The following MCTP1 variants were observed in gnomAD, a reference collection of about 807,000 sequenced individuals.
MCTP1 encodes multiple C2 and transmembrane domain-containing protein 1.
A neutral mutation model predicts 120.6 loss-of-function variants in MCTP1; 69 were observed. The ratio of observed to expected loss-of-function variants is 0.57; its 90% CI spans 0.47 to 0.70. The LOEUF is 0.70. Ranked by LOEUF, MCTP1 falls within the 30% of genes least tolerant of loss-of-function variation. MCTP1 has a pLI of 0.00. For missense variants in MCTP1, 1,203 were observed against 1,248.8 expected, an observed-to-expected ratio of 0.96 and a Z score of 0.55; for synonymous variants, 529 against 493.1, an observed-to-expected ratio of 1.07 and a Z score of -0.96.
chr5:94,758,418 C>T (rs34578098), intron 19 of MCTP1, among the ~76,000 whole-genome samples: 19,945 of 151,964 alleles, frequency 0.13, 1,598 homozygotes, highest in East Asian at 0.26. Flanking sequence ...TGCACTCCAG[C>T]CTGGGGGACA....
chr5:94,906,312 G>A (rs146993241), intron 10 of MCTP1, among the ~76,000 whole-genome samples: 5 of 152,034 alleles, frequency 3.3e-5, no homozygotes, highest in African/African-American at 1.2e-4. Flanking sequence ...ATGGCAAAAC[G>A]CTGCCTCTAC....
chr5:94,904,471 T>C (rs1806294005), intron 10 of MCTP1, among the ~76,000 whole-genome samples: 1 of 152,212 alleles, frequency 6.6e-6, no homozygotes, highest in African/African-American at 2.4e-5. Flanking sequence ...AATTTACTTT[T>C]GTGTAAAGTT....
chr5:94,977,748 A>G (rs1327981871), intron 2 of MCTP1, among the ~76,000 whole-genome samples: 2 of 152,180 alleles, frequency 1.3e-5, no homozygotes, highest in African/African-American at 4.8e-5. Flanking sequence ...TGAAAACTGT[A>G]TATTCACATG....
At chr5:95,039,228 A>T (rs971761511) in intron 1 of MCTP1, among the ~76,000 whole-genome samples, 1 of 152,226 alleles carries the variant, frequency 6.6e-6, no homozygotes, top group East Asian at 1.9e-4. Context: ...TGATTGTTCA[A>T]AAAACAGATT....
At position 95,156,098 on chromosome 5, in the gene MCTP1, A is replaced by ATTCC. The variant is rs558734250; in HGVS notation, c.720+127757_720+127758insGGAA. 5.9e-4 allele frequency among the ~76,000 whole-genome samples: 90 copies of ATTCC among 152,342 alleles called. No individual in the cohort carries two copies. In the Middle Eastern group the frequency reaches 0.024, roughly 40 times the overall value. ...CACAAAGACCTGATTCCTGTCAATG[A>ATTCC]TGTAAATGAGCTTGGAAGAGGACTC... On this transcript the variant is annotated intron_variant, in intron 1 of 22. Coordinates refer to ENST00000515393, the MANE Select transcript of MCTP1 (RefSeq NM_024717.7).
At chr5:94,765,948 A>G (rs1397930709) in intron 19 of MCTP1, among the ~76,000 whole-genome samples, 1 of 152,150 alleles carries the variant, frequency 6.6e-6, no homozygotes, top group Non-Finnish European at 1.5e-5. Flanking sequence ...CTAACAAATT[A>G]GAAAACCTAG....
chr5:95,171,568 C>T (rs1173097608), intron 1 of MCTP1, among the ~76,000 whole-genome samples: 1 of 152,216 alleles, frequency 6.6e-6, no homozygotes, highest in East Asian at 1.9e-4. Flanking sequence ...TAGATTTGGT[C>T]TTTTCGCATA....
rs543352216 is a variant in MCTP1 at position 95,093,968 on chromosome 5, G to C, written c.721-76484C>G. ...GAAAAATCTAGGCCCCCAGGCTACAGCCAAGCTGAGCTCCAGGCCAATGGC... is the reference window on the plus strand; with the variant it reads ...GAAAAATCTAGGCCCCCAGGCTACACCCAAGCTGAGCTCCAGGCCAATGGC... On this transcript the variant is annotated intron_variant, in intron 1 of 22. Coordinates refer to ENST00000515393, the MANE Select transcript of MCTP1 (RefSeq NM_024717.7). Among the ~76,000 whole-genome samples, 187 of 152,328 alleles carry C rather than the reference G, an allele frequency of 1.2e-3. 1 individual carries two copies. The highest frequency in any genetic ancestry group is 4.3e-3 in the African/African-American group (177 of 41,570).
chr5:94,968,467 C>CA (rs1826085620), intron 2 of MCTP1, among the ~76,000 whole-genome samples: 1 of 152,146 alleles, frequency 6.6e-6, no homozygotes, highest in Non-Finnish European at 1.5e-5. Flanking sequence ...AGGGAAATTA[C>CA]ACGTTTTCAA....
intron 6 of MCTP1, chr5:94,931,374 C>T (rs1347088772): frequency 6.6e-6 from 1 of 152,030 alleles, no homozygotes; most frequent in East Asian, 1.9e-4. Context: ...GGCAGCATCA[C>T]TGAACAAATT....
intron 2 of MCTP1, among the ~76,000 whole-genome samples, chr5:95,012,760 C>G (rs10037097): frequency 0.14 from 21,922 of 152,036 alleles, 2,101 homozygotes; most frequent in East Asian, 0.46. Flanking sequence ...CTCCACCGAC[C>G]AGCTGTTATC....
intron 19 of MCTP1, among the ~76,000 whole-genome samples, chr5:94,716,974 A>G (rs550844131): frequency 6.6e-6 from 1 of 152,292 alleles, no homozygotes; most frequent in South Asian, 2.1e-4. Context: ...AGATTGGTAT[A>G]TGATAAGGTG....
At chr5:94,997,522 G>A (rs891048651) in intron 2 of MCTP1, among the ~76,000 whole-genome samples, 14 of 152,272 alleles carry the variant, frequency 9.2e-5, no homozygotes, top group Admixed American at 5.9e-4. Context: ...GTGTACACAC[G>A]TGCATGTAGT....
At chr5:94,829,634 A>G (rs532602356) in intron 17 of MCTP1, among the ~76,000 whole-genome samples, 1 of 152,276 alleles carries the variant, frequency 6.6e-6, no homozygotes, top group Admixed American at 6.5e-5. Context: ...AGAAGGAGAC[A>G]TGGGGGAAAG....
chr5:94,707,385 TA>T lies in MCTP1; in HGVS notation c.*110del, dbSNP rs1206538465. The T allele has an allele frequency of 6.1e-6, 5 of 813,070 alleles. No individual in the cohort carries two copies. Among genetic ancestry groups the T allele is most frequent in the African/African-American group, 3.5e-5 (2 of 57,476 alleles). The allele number at this position is 813,070 out of a possible 1,614,324, so 50.4% of individuals were successfully genotyped here. A position where few individuals can be genotyped will look rare whatever the true frequency, so the allele number is the denominator to read the frequency against. ...TATTTACAGATTCTCTCGATCATGA[TA>T]AAAAGGCAAAATAAATAAAAAGCAG... On this transcript the variant is annotated 3_prime_UTR_variant, in exon 23 of 23. Transcript: ENST00000515393.
chr5:95,047,091 C>A (rs186149589), intron 1 of MCTP1, among the ~76,000 whole-genome samples: 79 of 152,172 alleles, frequency 5.2e-4, no homozygotes, highest in African/African-American at 1.6e-3. Flanking sequence ...TATCTTATAA[C>A]CTAAAGTGCT....
intron 19 of MCTP1, among the ~76,000 whole-genome samples, chr5:94,719,029 A>T (rs1445693197): frequency 1.3e-5 from 2 of 152,104 alleles, no homozygotes; most frequent in East Asian, 3.9e-4. Flanking sequence ...CCCAAAAGAC[A>T]TTTATACAGC....
intron 17 of MCTP1, among the ~76,000 whole-genome samples, chr5:94,821,142 G>A (rs1325042307): frequency 1.3e-5 from 2 of 152,160 alleles, no homozygotes; most frequent in African/African-American, 2.4e-5. Flanking sequence ...GCATTTTGGT[G>A]TTGCAGCAGC....
intron 19 of MCTP1, among the ~76,000 whole-genome samples, chr5:94,729,161 C>T (rs1339696592): frequency 6.6e-6 from 1 of 152,094 alleles, no homozygotes; most frequent in Non-Finnish European, 1.5e-5. Flanking sequence ...AGAAACTACT[C>T]TAAGTATTTC....
Sources: gnomAD v4.1 joint callset for allele counts (sites outside exome capture counted in the v4.1 genomes callset) on GRCh38, gnomAD v4.1.1 for gene constraint, MANE v1.5 for transcripts, NCBI Gene and HGNC (gene_info 2026-07-23, HGNC 2026-07-21) for gene names.